The following SCN1A variants were observed in gnomAD, a reference collection of about 807,000 sequenced individuals.
SCN1A encodes the protein sodium channel protein type 1 subunit alpha.
In SCN1A, 13 loss-of-function variants were observed where a neutral mutation model predicts 193.7. The observed-to-expected ratio is 0.07, with a 90% CI of 0.04 to 0.11. The LOEUF (loss-of-function observed/expected upper bound fraction) is 0.11, where lower values mean the gene tolerates loss of function less well. Ranked by LOEUF, SCN1A falls within the 10% of genes least tolerant of loss-of-function variation. The probability of loss-of-function intolerance (pLI) is 1.00; values close to 1 mark genes in which losing one functional copy is unlikely to be tolerated. For missense variants in SCN1A, 1,432 were observed against 2,451.1 expected (o/e 0.58, Z 8.78); for synonymous variants, 781 against 843.6 (o/e 0.93, Z 1.29).
chr2:166,052,652 C>G (rs1386942885), intron 8 of SCN1A, among the ~76,000 whole-genome samples, 200 bp downstream of exon 8: 1 of 151,174 alleles, frequency 6.6e-6, no homozygotes, highest in Non-Finnish European at 1.5e-5. Context: ...GTGCAGGTCA[C>G]CTTGACCTCA....
chr2:166,041,649 G>C (rs146985506), intron 15 of SCN1A, among the ~76,000 whole-genome samples, 180 bp from the exon 16 acceptor site: 1 of 152,220 alleles, frequency 6.6e-6, no homozygotes, highest in Non-Finnish European at 1.5e-5. Flanking sequence ...TATTTCATCA[G>C]ACACACACAT....
intron 4 of SCN1A, among the ~76,000 whole-genome samples, chr2:166,067,499 G>C (rs1368940055): frequency 6.6e-6 from 1 of 150,768 alleles, no homozygotes; most frequent in South Asian, 2.1e-4. Flanking sequence ...GCTGTGATTA[G>C]TGCTATGACT....
rs186875686 is a variant in SCN1A at position 166,126,905 on chromosome 2, C to T, written c.-142+19G>A. 2.0e-5 allele frequency: 3 copies of T among 152,280 alleles called. No homozygotes were observed. Among genetic ancestry groups the T allele is most frequent in the Admixed American group, 6.5e-5 (1 of 15,288 alleles). 9.4% of individuals were successfully genotyped at this position (152,280 alleles called of 1,614,324 possible). ...TGAGAAGTAAATGCAGCAAGTGGGT[C>T]GGGTCTTTAAACACATACCTCAAAC... On this transcript the variant is annotated intron_variant, in intron 2 of 28. Transcript: ENST00000674923.
chr2:166,143,332 A>G (rs1309800029), intron 1 of SCN1A, among the ~76,000 whole-genome samples: 1 of 151,718 alleles, frequency 6.6e-6, no homozygotes, highest in East Asian at 1.9e-4. Flanking sequence ...ACGCCCGGCT[A>G]ATTTTTTGTA....
At chr2:166,103,658 G>C (rs1378847112) in intron 2 of SCN1A, among the ~76,000 whole-genome samples, 1 of 151,858 alleles carries the variant, frequency 6.6e-6, no homozygotes, top group Non-Finnish European at 1.5e-5. Flanking sequence ...AAATTCACCA[G>C]GAAGATAAAG....
intron 1 of SCN1A, among the ~76,000 whole-genome samples, chr2:166,145,456 A>G (rs1253308518): frequency 6.6e-6 from 1 of 152,174 alleles, no homozygotes; most frequent in African/African-American, 2.4e-5. Flanking sequence ...ATCCACATAT[A>G]TCTCAGAATA....
intron 4 of SCN1A, chr2:166,060,945 A>T (rs924484188): frequency 6.6e-6 from 1 of 152,158 alleles, no homozygotes; most frequent in African/African-American, 2.4e-5. Flanking sequence ...TATATATTTT[A>T]AAATAAGAAT....
In SCN1A at chr2:166,045,236, C is replaced by G; in HGVS notation, c.1469G>C (p.Ser490Thr). The change falls in exon 13 of 29, where the codon AGT (serine) becomes ACT (threonine). Residue 490 changes from serine (S) to threonine (T), a missense_variant. Around this residue, in one of 18 missense-constraint regions of SCN1A, gnomAD observed 316 missense variants for 362.1 expected, o/e 0.87. Transcript: ENST00000674923. The part of the protein sequence containing the change: ...SDSSSEASKL[S>T]SKSAKERRNR... ...TCTTCTTTCCTTAGCACTCTTGGAA[C>G]TCAACTTAGAGGCTTCAGATGAGCT... The G allele has an allele frequency of 6.2e-7, 1 of 1,614,150 alleles. No individual in the cohort carries two copies. Among genetic ancestry groups the G allele is most frequent in the Non-Finnish European group, 8.5e-7 (1 of 1,180,026 alleles).
At chr2:166,005,312 T>C (rs1396286661) in intron 23 of SCN1A, among the ~76,000 whole-genome samples, 1 of 151,412 alleles carries the variant, frequency 6.6e-6, no homozygotes, top group Non-Finnish European at 1.5e-5. Context: ...CAAAGCATAA[T>C]TTTTAAATGT....
chr2:166,043,612 C>G (rs1697406591), intron 14 of SCN1A, 57 bp downstream of exon 14: 30 of 1,541,390 alleles, frequency 1.9e-5, no homozygotes, highest in Non-Finnish European at 2.5e-5. Context: ...TGTAGAAACA[C>G]TGGCTGGTGC....
intron 2 of SCN1A, among the ~76,000 whole-genome samples, chr2:166,090,029 C>CTTTTTTTTTTTTT (rs545740675): frequency 1.4e-5 from 1 of 71,382 alleles, no homozygotes; most frequent in African/African-American, 5.3e-5. Context: ...TCCTTCTTTC[C>CTTTTTTTTTTTTT]TTTTTTTTTT....
rs886043534 is a variant in SCN1A, at chr2:166,073,478, G to A, written c.144C>T (p.Gly48=). The A allele has an allele frequency of 1.8e-5, 29 of 1,614,140 alleles. No individual in the cohort carries two copies. The highest frequency in any genetic ancestry group is 1.6e-4 in the Middle Eastern group (1 of 6,062). Residue 48 remains glycine (G), a synonymous_variant, in exon 4 of 29, where the codon GGC becomes GGT. Coordinates refer to ENST00000674923, the MANE Select transcript of SCN1A (RefSeq NM_001165963.4). ...KPDKKDDDEN[G]PKPNSDLEAG... ...CTTCCAAGTCACTATTTGGCTTTGG[G>A]CCATTTTCGTCGTCATCTTTTTTGT...
chr2:166,142,616 A>G (rs1692134304), intron 1 of SCN1A, among the ~76,000 whole-genome samples: 1 of 152,192 alleles, frequency 6.6e-6, no homozygotes, highest in South Asian at 2.1e-4. Flanking sequence ...TTCATATGGA[A>G]GGTTGACACC....
intron 10 of SCN1A, among the ~76,000 whole-genome samples, chr2:166,048,437 A>G (rs1351164296): frequency 6.6e-6 from 1 of 152,090 alleles, no homozygotes; most frequent in African/African-American, 2.4e-5. Context: ...CCCACTTATA[A>G]GTGAGGACAT....
At chr2:166,120,083 C>CTTTTGCTTTATGTATTA (rs1178658092) in intron 2 of SCN1A, among the ~76,000 whole-genome samples, 1 of 150,770 alleles carries the variant, frequency 6.6e-6, no homozygotes, top group Non-Finnish European at 1.5e-5. Flanking sequence ...TTATATTTCC[C>CTTTTGCTTTATGTATTA]TTTTGCTTTA....
chr2:166,111,044 G>A lies in SCN1A; in HGVS notation c.-142+15880C>T, dbSNP rs541230046. The stretch of plus-strand genomic sequence containing the variant: ...TTTCCTTTATAAATTAGCCAGTCTC[G>A]GGTATGTCTTTATTAGTAGGGTGAG... On this transcript the variant is annotated intron_variant, in intron 2 of 28. Transcript: ENST00000674923. Among the ~76,000 whole-genome samples, 6 of 152,134 alleles carry A rather than the reference G, an allele frequency of 3.9e-5. No homozygotes were observed. In the South Asian group the frequency reaches 8.3e-4, roughly 21 times the overall value.
At chr2:166,048,538 A>AT (rs1698124664) in intron 10 of SCN1A, among the ~76,000 whole-genome samples, 1 of 151,952 alleles carries the variant, frequency 6.6e-6, no homozygotes, top group African/African-American at 2.4e-5. Flanking sequence ...TGATCTAGTT[A>AT]TTTTTTATGG....
chr2:166,138,612 G>T (rs545542266), intron 1 of SCN1A, among the ~76,000 whole-genome samples: 2 of 152,324 alleles, frequency 1.3e-5, no homozygotes, highest in Non-Finnish European at 2.9e-5. Flanking sequence ...GTATGGAAAC[G>T]CCTGGATGCC....
At chr2:166,003,019 T>TTAAAGGAAAA (rs1691154635) in intron 23 of SCN1A, 1 of 254,934 alleles carries the variant, frequency 3.9e-6, no homozygotes, top group African/African-American at 2.3e-5. Flanking sequence ...CATTAAAAGG[T>TTAAAGGAAAA]TAAAGGAAAA....
Sources: allele counts gnomAD v4.1 joint callset (sites outside exome capture counted in the v4.1 genomes callset), GRCh38; gene constraint gnomAD v4.1.1; regional missense constraint gnomAD v4.1.1; transcripts MANE v1.5; gene names NCBI Gene and HGNC (gene_info 2026-07-23, HGNC 2026-07-21).